The following NKD1 variants were observed in gnomAD, a reference collection of about 807,000 sequenced individuals.
The protein encoded by NKD1 is NKD inhibitor of Wnt signaling pathway 1.
A neutral mutation model predicts 56.0 loss-of-function variants in NKD1; 21 were observed. That is an observed-to-expected ratio of 0.38 (90% CI 0.27 to 0.54). NKD1 has a LOEUF of 0.54. Among genes scored for constraint, NKD1 ranks in the 20% least tolerant of loss-of-function variants. The pLI is 0.82. For synonymous variants in NKD1, 263 were observed against 265.7 expected, an observed-to-expected ratio of 0.99 and a Z score of 0.10; for missense variants, 578 against 642.7, an observed-to-expected ratio of 0.90 and a Z score of 1.09.
intron 3 of NKD1, among the ~76,000 whole-genome samples, chr16:50,590,830 G>C (rs542275252): frequency 1.5e-4 from 23 of 152,072 alleles, no homozygotes; most frequent in Non-Finnish European, 2.6e-4. Flanking sequence ...TGTTGTTGTT[G>C]TTGTTGAGAT....
rs912126597 is a variant in NKD1 at position 50,641,974 on chromosome 16, C to T, written c.*8193C>T. 6.6e-6 allele frequency: 1 copy of T among 152,364 alleles called. No homozygotes were observed. Among genetic ancestry groups the T allele is most frequent in the African/African-American group, 2.4e-5 (1 of 41,556 alleles). 9.4% of individuals were successfully genotyped at this position (152,364 alleles called of 1,614,324 possible). ...CTCAAAAGACTGGCTGGATTGTACC[C>T]GGCTCAGTGACTTCCCCTCTTTGAG... On this transcript the variant is annotated 3_prime_UTR_variant, in exon 10 of 10. Transcript: ENST00000268459.
At chr16:50,577,292 A>G (rs1961012896) in intron 3 of NKD1, among the ~76,000 whole-genome samples, 1 of 152,156 alleles carries the variant, frequency 6.6e-6, no homozygotes, top group South Asian at 2.1e-4. Context: ...TTTTTCCCTA[A>G]ATGAGTTTTC....
chr16:50,560,823 C>CATCTATCATCTATCTATCT (rs1960609889), intron 3 of NKD1, among the ~76,000 whole-genome samples: 1 of 148,546 alleles, frequency 6.7e-6, no homozygotes, highest in East Asian at 2.0e-4. Flanking sequence ...TACCCAAACC[C>CATCTATCATCTATCTATCT]ATCTATCTAT....
At chr16:50,612,527 A>C (rs2151276509) in intron 4 of NKD1, among the ~76,000 whole-genome samples, 1 of 152,332 alleles carries the variant, frequency 6.6e-6, no homozygotes, top group African/African-American at 2.4e-5. Context: ...GGCAGGGATG[A>C]ATACATAAAT....
chr16:50,614,575 G>A (rs1261569543), intron 4 of NKD1, among the ~76,000 whole-genome samples: 1 of 152,108 alleles, frequency 6.6e-6, no homozygotes, highest in African/African-American at 2.4e-5. Flanking sequence ...GGTCACAGGG[G>A]TTCTTGCACA....
At position 50,635,810 on chromosome 16, in the gene NKD1, G is replaced by A. The variant is rs564038583; in HGVS notation, c.*2029G>A. ...TTAATCACGGCCATGGGCTGCCCTTGTTTTGGGTTGTGGGTTTCTGTTCAG... is the reference window on the plus strand; with the variant it reads ...TTAATCACGGCCATGGGCTGCCCTTATTTTGGGTTGTGGGTTTCTGTTCAG... On this transcript the variant is annotated 3_prime_UTR_variant, in exon 10 of 10. Transcript: ENST00000268459. This position sits in a 1 kb window ranked among gnomAD's most constrained non-coding sequence, Gnocchi z 4.1. 9 of 152,192 alleles carry A rather than the reference G, an allele frequency of 5.9e-5. No homozygotes were observed. Among genetic ancestry groups the A allele is most frequent in the Non-Finnish European group, 1.0e-4 (7 of 68,050 alleles). The allele number at this position is 152,192 out of a possible 1,614,324, so 9.4% of individuals were successfully genotyped here.
Position 50,632,426 on chromosome 16 carries a change from C to T in NKD1, c.823+18C>T. ...TGGGCCTGGTAAGGGACTCAAGCACCCTGCAATGGGCGATGAGGGCAGGGC... is the reference window on the plus strand; with the variant it reads ...TGGGCCTGGTAAGGGACTCAAGCACTCTGCAATGGGCGATGAGGGCAGGGC... On this transcript the variant is annotated intron_variant, in intron 9 of 9. Coordinates refer to ENST00000268459, the MANE Select transcript of NKD1 (RefSeq NM_033119.5). This position sits in a 1 kb window ranked among gnomAD's most constrained non-coding sequence, Gnocchi z 4.1. 1 of 1,613,942 alleles carries T rather than the reference C, an allele frequency of 6.2e-7. No homozygotes were observed. The highest frequency in any genetic ancestry group is 1.1e-5 in the South Asian group (1 of 91,052).
At chr16:50,550,216 C>G (rs1960349110) in intron 3 of NKD1, among the ~76,000 whole-genome samples, 1 of 152,126 alleles carries the variant, frequency 6.6e-6, no homozygotes, top group African/African-American at 2.4e-5. Context: ...GAGTCCAGCC[C>G]CAGCTCCTGG....
At chr16:50,607,945 A>C in intron 3 of NKD1, 1 of 255,442 alleles carries the variant, frequency 3.9e-6, no homozygotes, top group South Asian at 6.1e-5. Context: ...TTGGGATGAG[A>C]TCCCAGATAT....
chr16:50,610,473 T>C (rs144506544), intron 4 of NKD1, among the ~76,000 whole-genome samples: 16 of 152,082 alleles, frequency 1.1e-4, no homozygotes, highest in Non-Finnish European at 2.1e-4. Context: ...CGTGGCCAGG[T>C]CTGGTGAGAG....
At chr16:50,581,187 A>G (rs374450735) in intron 3 of NKD1, among the ~76,000 whole-genome samples, 2 of 152,304 alleles carry the variant, frequency 1.3e-5, no homozygotes, top group South Asian at 2.1e-4. Flanking sequence ...AATATTTCCT[A>G]AATATATTAT....
At position 50,549,555 on chromosome 16, in the gene NKD1, G is replaced by A. The variant is rs1960330336; in HGVS notation, c.192G>A (p.Arg64=). Residue 64 remains arginine (R), a splice_region_variant and synonymous_variant, in exon 3 of 10, where the codon CGG becomes CGA. Coordinates refer to ENST00000268459, the MANE Select transcript of NKD1 (RefSeq NM_033119.5). The stretch of plus-strand genomic sequence containing the variant: ...CGGGCACCATAGGCCGAAGCACCCG[G>A]GTATGATTCCCCACCCCTGCCCCAC... ...RLAGTIGRST[R]ELVGDVLRDT... The A allele has an allele frequency of 3.8e-6, 6 of 1,582,236 alleles. No homozygotes were observed. The highest frequency in any genetic ancestry group is 1.4e-5 in the African/African-American group (1 of 73,916).
At chr16:50,575,830 A>G (rs1960982283) in intron 3 of NKD1, among the ~76,000 whole-genome samples, 1 of 152,322 alleles carries the variant, frequency 6.6e-6, no homozygotes, top group Admixed American at 6.5e-5. Flanking sequence ...GGGGTTCTCC[A>G]TGGTAGCACA....
intron 4 of NKD1, among the ~76,000 whole-genome samples, chr16:50,614,243 C>T (rs1460805557): frequency 5.3e-5 from 8 of 152,126 alleles, no homozygotes; most frequent in African/African-American, 1.4e-4. Context: ...AGGATTCTTT[C>T]GGTTCTTTTG....
chr16:50,554,113 G>T (rs1960448218), intron 3 of NKD1, among the ~76,000 whole-genome samples: 1 of 152,216 alleles, frequency 6.6e-6, no homozygotes, highest in Non-Finnish European at 1.5e-5. Flanking sequence ...TGGGGAAGGA[G>T]GCTGGATGCC....
intron 6 of NKD1, among the ~76,000 whole-genome samples, chr16:50,627,872 G>T (rs1322642070): frequency 1.3e-5 from 2 of 152,178 alleles, no homozygotes; most frequent in Non-Finnish European, 1.5e-5. Flanking sequence ...GGTCCTCTAA[G>T]GTATCAGAAG....
rs138964473 is a variant in NKD1, at chr16:50,598,262, T to TGTGTGTGCGCGC, written c.193-10031_193-10030insTGTGTGCGCGCG. Among the ~76,000 whole-genome samples, 832 of 148,612 alleles carry TGTGTGTGCGCGC rather than the reference T, an allele frequency of 5.6e-3. 8 individuals carry two copies. Among genetic ancestry groups the TGTGTGTGCGCGC allele is most frequent in the African/African-American group, 0.02 (778 of 39,112 alleles). ...GTGTGTGTGTGTGTGTGTGTGTGTG[T>TGTGTGTGCGCGC]GCGCGCACACCTGTGCTCATGGACA... On this transcript the variant is annotated intron_variant, in intron 3 of 9. Transcript: ENST00000268459. This position sits in a 1 kb window ranked among gnomAD's most constrained non-coding sequence, Gnocchi z 4.2.
chr16:50,625,669 C>G, intron 6 of NKD1, 89 bp downstream of exon 6: 2 of 817,022 alleles, frequency 2.4e-6, no homozygotes, highest in Non-Finnish European at 4.2e-6. Flanking sequence ...ACTTCTCTCC[C>G]CTGCATCGGT....
At chr16:50,567,241 G>T (rs1192337875) in intron 3 of NKD1, among the ~76,000 whole-genome samples, 1 of 152,200 alleles carries the variant, frequency 6.6e-6, no homozygotes, top group East Asian at 1.9e-4. Context: ...CCACTGAAGT[G>T]TTAGCATGCA....
Sources: allele counts gnomAD v4.1 joint callset (sites outside exome capture counted in the v4.1 genomes callset), GRCh38; gene constraint gnomAD v4.1.1; non-coding constraint Gnocchi (gnomAD v3.1); transcripts MANE v1.5; gene names NCBI Gene and HGNC (gene_info 2026-07-23, HGNC 2026-07-21).